ABLIM1: variants seen among roughly 807,000 people sequenced by gnomAD.
ABLIM1 encodes actin-binding LIM protein 1.
In ABLIM1, 40 loss-of-function variants were observed where a neutral mutation model predicts 107.0. The ratio of observed to expected loss-of-function variants is 0.37; its 90% CI spans 0.29 to 0.49. The LOEUF (loss-of-function observed/expected upper bound fraction) is 0.49. Among genes scored for constraint, ABLIM1 ranks in the 20% least tolerant of loss-of-function variants. The probability of loss-of-function intolerance (pLI) is 0.97; values close to 1 mark genes in which losing one functional copy is unlikely to be tolerated. For missense variants in ABLIM1, 857 were observed against 1,008.5 expected (o/e 0.85, Z 2.04); for synonymous variants, 357 against 357.3 (o/e 1.00, Z 0.01).
chr10:114,641,830 G>A (rs1359534629), intron 1 of ABLIM1, among the ~76,000 whole-genome samples: 1 of 152,072 alleles, frequency 6.6e-6, no homozygotes, highest in African/African-American at 2.4e-5. Flanking sequence ...TGAGGTGGAG[G>A]AGTTAGGGCC....
chr10:114,715,624 G>A (rs2081644282), intron 1 of ABLIM1, among the ~76,000 whole-genome samples: 1 of 152,094 alleles, frequency 6.6e-6, no homozygotes, highest in Admixed American at 6.6e-5. Context: ...AGGAAAAGAA[G>A]GTGCAGAGGG....
chr10:114,642,762 C>G (rs1384009221), intron 1 of ABLIM1, among the ~76,000 whole-genome samples: 1 of 152,162 alleles, frequency 6.6e-6, no homozygotes, highest in African/African-American at 2.4e-5. Context: ...GCTTCGAACT[C>G]CAAAAGATAT....
intron 2 of ABLIM1, among the ~76,000 whole-genome samples, chr10:114,594,566 A>G (rs2075232057): frequency 1.3e-5 from 2 of 152,066 alleles, no homozygotes; most frequent in African/African-American, 2.4e-5. Context: ...CCTGGCCAAC[A>G]TGGTGAAACC....
At chr10:114,687,678 G>A (rs1476489590), upstream of ABLIM1, among the ~76,000 whole-genome samples, 1 of 152,214 alleles carries the variant, frequency 6.6e-6, no homozygotes, top group Non-Finnish European at 1.5e-5. Flanking sequence ...ATTTATGACA[G>A]GGCTGAGAGT....
intron 1 of ABLIM1, among the ~76,000 whole-genome samples, chr10:114,675,960 C>T (rs2080463802): frequency 6.6e-6 from 1 of 152,104 alleles, no homozygotes; most frequent in Non-Finnish European, 1.5e-5. Flanking sequence ...TTTTTAACGA[C>T]ATCTCATGTT....
At chr10:114,573,107 C>T (rs558263675) in intron 3 of ABLIM1, among the ~76,000 whole-genome samples, 24 of 152,224 alleles carry the variant, frequency 1.6e-4, no homozygotes, top group African/African-American at 5.8e-4. Flanking sequence ...TGTAAATGGC[C>T]CTTTTCAGTA....
At chr10:114,612,987 T>C (rs1206789827) in intron 1 of ABLIM1, among the ~76,000 whole-genome samples, 1 of 152,208 alleles carries the variant, frequency 6.6e-6, no homozygotes, top group Non-Finnish European at 1.5e-5. Flanking sequence ...AAGATATTGA[T>C]TGAGGTGTCT....
At chr10:114,709,767 A>G (rs2081507374) in intron 1 of ABLIM1, among the ~76,000 whole-genome samples, 1 of 152,234 alleles carries the variant, frequency 6.6e-6, no homozygotes, top group Non-Finnish European at 1.5e-5. Flanking sequence ...TTTATTAATC[A>G]GCTGCTTGTT....
At chr10:114,628,636 A>G (rs2077973338) in intron 1 of ABLIM1, among the ~76,000 whole-genome samples, 2 of 152,206 alleles carry the variant, frequency 1.3e-5, no homozygotes, top group African/African-American at 4.8e-5. Flanking sequence ...CAACACAAAC[A>G]AAAAATGATG....
Position 114,718,121 on chromosome 10 carries a change from AAAAG to A in ABLIM1, c.-213+49936_-213+49939del, listed in dbSNP as rs886460442. On this transcript the variant is annotated intron_variant, in intron 1 of 15. Coordinates refer to the ABLIM1 transcript ENST00000651092. ...AAAGAAAAAGAAAAAGAAAGAAAGA[AAAAG>A]AAAGAAAAGAAAGAAAGAAAGAGAA... 3.6e-4 allele frequency among the ~76,000 whole-genome samples: 36 copies of A among 99,480 alleles called. 1 individual carries two copies. The highest frequency in any genetic ancestry group is 3.5e-3 in the East Asian group (15 of 4,242). 65.3% of individuals were successfully genotyped at this position (99,480 alleles called of 152,430 possible). A position where few individuals can be genotyped will look rare whatever the true frequency, so the allele number is the denominator to read the frequency against.
chr10:114,750,073 T>G (rs1304448705), intron 1 of ABLIM1, among the ~76,000 whole-genome samples: 1 of 151,930 alleles, frequency 6.6e-6, no homozygotes, highest in African/African-American at 2.4e-5. Context: ...CTGGCAAGGA[T>G]TTTTTTTTAA....
intron 4 of ABLIM1, among the ~76,000 whole-genome samples, chr10:114,552,434 T>C (rs533153973): frequency 7.9e-6 from 1 of 126,594 alleles, no homozygotes; most frequent in African/African-American, 3.0e-5. Flanking sequence ...ATCGAGGAAA[T>C]AAAACCCATG....
rs897243801 is a variant in ABLIM1, at chr10:114,549,379, G to A, written c.674-1603C>T. 1.6e-4 allele frequency among the ~76,000 whole-genome samples: 24 copies of A among 152,184 alleles called. No homozygotes were observed. The South Asian group carries it at 1.9e-3, about 12-fold the overall frequency. On this transcript the variant is annotated intron_variant, in intron 4 of 22. Transcript: ENST00000533213. Reference sequence around the variant, plus strand: ...GCCTGGGCAACAAGAACGAAGCTCCGTCTCAATAAATAAAGTAATTAAATA... The same window carrying A: ...GCCTGGGCAACAAGAACGAAGCTCCATCTCAATAAATAAAGTAATTAAATA...
In ABLIM1 at chr10:114,485,028, T is replaced by C. The variant is rs1045050319; in HGVS notation, c.1041+2930A>G. 3.9e-5 allele frequency among the ~76,000 whole-genome samples: 6 copies of C among 152,362 alleles called. No homozygotes were observed. The East Asian group carries it at 1.2e-3, about 29-fold the overall frequency. On this transcript the variant is annotated intron_variant, in intron 8 of 22. Coordinates refer to ENST00000533213, the MANE Select transcript of ABLIM1 (RefSeq NM_002313.7). The stretch of plus-strand genomic sequence containing the variant: ...GGGTGCTGAGCAGATACTTGTGCAG[T>C]GAACAAACGTGGCAACACGGGACCA...
intron 8 of ABLIM1, 89 bp from the exon 9 acceptor site, chr10:114,474,045 G>C: frequency 1.0e-6 from 1 of 958,726 alleles, no homozygotes; most frequent in Non-Finnish European, 1.6e-6. Flanking sequence ...TAAAAACTCA[G>C]CTAGTGAAAA....
chr10:114,508,113 A>G (rs947593496), intron 6 of ABLIM1, among the ~76,000 whole-genome samples: 3 of 152,210 alleles, frequency 2.0e-5, no homozygotes, highest in Admixed American at 2.0e-4. Flanking sequence ...CATTCAATTG[A>G]AATACCAGGC....
At chr10:114,601,025 T>C (rs2075931361) in intron 2 of ABLIM1, among the ~76,000 whole-genome samples, 1 of 150,486 alleles carries the variant, frequency 6.6e-6, no homozygotes, top group Non-Finnish European at 1.5e-5. Flanking sequence ...TCCCAAGTGT[T>C]GTTGCTTAAT....
chr10:114,576,319 T>G (rs543926240), intron 2 of ABLIM1, among the ~76,000 whole-genome samples: 1 of 152,004 alleles, frequency 6.6e-6, no homozygotes, highest in African/African-American at 2.4e-5. Context: ...AAGACCAGAG[T>G]AGGTCACAAC....
In ABLIM1 at chr10:114,512,907, GGAAAGAAAGAGA is replaced by G. The variant is rs1405337938; in HGVS notation, c.895-21041_895-21030del. Reference sequence around the variant, plus strand: ...AGGAAGGAAGGAAGGAAGGAAGGAAGGAAAGAAAGAGAGAAAGAAAGAGAGAAAGCAAGCAAG... The same window carrying G: ...AGGAAGGAAGGAAGGAAGGAAGGAAGGAAAGAAAGAGAGAAAGCAAGCAAG... On this transcript the variant is annotated intron_variant, in intron 6 of 22. Coordinates refer to ENST00000533213, the MANE Select transcript of ABLIM1 (RefSeq NM_002313.7). Among the ~76,000 whole-genome samples the G allele has an allele frequency of 3.5e-3, 477 of 134,474 alleles. 5 individuals carry two copies. Among genetic ancestry groups the G allele is most frequent in the Middle Eastern group, 0.016 (4 of 256 alleles). 88.2% of individuals were successfully genotyped at this position (134,474 alleles called of 152,430 possible).
Sources: gnomAD v4.1 joint callset for allele counts (sites outside exome capture counted in the v4.1 genomes callset) on GRCh38, gnomAD v4.1.1 for gene constraint, MANE v1.5 for transcripts, NCBI Gene and HGNC (gene_info 2026-07-23, HGNC 2026-07-21) for gene names.